The following MIPEP variants were observed in gnomAD, a reference collection of about 807,000 sequenced individuals.
MIPEP encodes mitochondrial intermediate peptidase.
In MIPEP, 79 loss-of-function variants were observed where a neutral mutation model predicts 90.3. The observed-to-expected ratio is 0.87, with a 90% CI of 0.73 to 1.05. MIPEP has a LOEUF of 1.05. MIPEP is among the 50% of genes least tolerant of loss of function. MIPEP has a pLI of 0.00. For synonymous variants in MIPEP, 334 were observed against 315.8 expected (o/e 1.06, Z -0.61); for missense variants, 940 against 905.6 (o/e 1.04, Z -0.49).
chr13:23,816,020 T>C (rs76380080), intron 14 of MIPEP, among the ~76,000 whole-genome samples: 1,614 of 152,318 alleles, frequency 0.011, 31 homozygotes, highest in African/African-American at 0.036. Context: ...ACGAAAAGTC[T>C]ACTGTAATTA....
chr13:23,787,115 T>C (rs2137370646), intron 16 of MIPEP, among the ~76,000 whole-genome samples: 2 of 152,326 alleles, frequency 1.3e-5, no homozygotes, highest in South Asian at 4.1e-4. Context: ...ATGTTGTGTC[T>C]GACACACAGT....
chr13:23,763,708 G>A (rs910391691), intron 16 of MIPEP, among the ~76,000 whole-genome samples: 1 of 152,198 alleles, frequency 6.6e-6, no homozygotes, highest in African/African-American at 2.4e-5. Flanking sequence ...TTCCTAGACA[G>A]CCAGGGGTCT....
In MIPEP at chr13:23,888,919, G is replaced by A. The variant is rs1473950929; in HGVS notation, c.189+213C>T. On this transcript the variant is annotated intron_variant, in intron 1 of 18. Coordinates refer to ENST00000382172, the MANE Select transcript of MIPEP (RefSeq NM_005932.4). ...TCATGCAGAAGCAGTTCCCGGACCC[G>A]ACACTCTGGGTAGGAGACCACTAAA... 7.7e-6 allele frequency: 4 copies of A among 522,088 alleles called. No homozygotes were observed. The East Asian group carries it at 1.4e-4, about 18-fold the overall frequency. 32.3% of individuals were successfully genotyped at this position (522,088 alleles called of 1,614,324 possible).
chr13:23,753,825 T>C (rs1432326180), intron 18 of MIPEP, among the ~76,000 whole-genome samples: 2 of 152,176 alleles, frequency 1.3e-5, no homozygotes, highest in African/African-American at 4.8e-5. Context: ...ATGTAGAACT[T>C]ATTATTCAAA....
intron 18 of MIPEP, among the ~76,000 whole-genome samples, chr13:23,749,618 G>A (rs368153394): frequency 2.0e-5 from 3 of 152,108 alleles, no homozygotes; most frequent in African/African-American, 7.2e-5. Context: ...ACAGGCTTGG[G>A]AGCTTCCTGA....
At chr13:23,848,689 A>C (rs1869664757) in intron 10 of MIPEP, among the ~76,000 whole-genome samples, 1 of 152,106 alleles carries the variant, frequency 6.6e-6, no homozygotes, top group Non-Finnish European at 1.5e-5. Flanking sequence ...GGGCACTCAA[A>C]GGGGAAGAAA....
chr13:23,785,383 G>A (rs766555372), intron 16 of MIPEP, among the ~76,000 whole-genome samples: 7 of 149,386 alleles, frequency 4.7e-5, no homozygotes, highest in Admixed American at 1.4e-4. Context: ...GAAAACTATC[G>A]CAAGAACAAA....
intron 16 of MIPEP, among the ~76,000 whole-genome samples, chr13:23,799,943 ATACTT>A (rs2137390470): frequency 6.6e-6 from 1 of 152,304 alleles, no homozygotes; most frequent in South Asian, 2.1e-4. Context: ...TTTCATGTAA[ATACTT>A]AGAGTGCTCA....
At chr13:23,805,697 A>C (rs1326625233) in intron 16 of MIPEP, among the ~76,000 whole-genome samples, 1 of 152,186 alleles carries the variant, frequency 6.6e-6, no homozygotes, top group Non-Finnish European at 1.5e-5. Flanking sequence ...ATATAGACCA[A>C]CTCCAATGGC....
At chr13:23,751,026 A>G (rs1319672328) in intron 18 of MIPEP, among the ~76,000 whole-genome samples, 1 of 151,862 alleles carries the variant, frequency 6.6e-6, no homozygotes, top group African/African-American at 2.4e-5. Context: ...CATTTCTCCA[A>G]GGAGCCTTGG....
Position 23,869,258 on chromosome 13 carries a change from A to G in MIPEP, c.943+34T>C, listed in dbSNP as rs774943041. 10 of 1,531,192 alleles carry G rather than the reference A, an allele frequency of 6.5e-6. No individual in the cohort carries two copies. The South Asian group carries it at 1.0e-4, about 16-fold the overall frequency. The allele number at this position is 1,531,192 out of a possible 1,614,324, so 94.9% of individuals were successfully genotyped here. ...AAAAGCTCAGTTTCATAAAAATCCT[A>G]TTTTGCCCTTAAATGTTGGATAAAC... On this transcript the variant is annotated intron_variant, in intron 7 of 18. Coordinates refer to ENST00000382172, the MANE Select transcript of MIPEP (RefSeq NM_005932.4).
At chr13:23,816,204 G>A (rs568956127) in intron 14 of MIPEP, among the ~76,000 whole-genome samples, 1 of 152,126 alleles carries the variant, frequency 6.6e-6, no homozygotes, top group East Asian at 1.9e-4. Flanking sequence ...CATTATTTTT[G>A]GCAAATTCTC....
At chr13:23,841,143 G>A (rs1039640116) in intron 11 of MIPEP, among the ~76,000 whole-genome samples, 192 bp downstream of exon 11, 1 of 152,160 alleles carries the variant, frequency 6.6e-6, no homozygotes, top group Non-Finnish European at 1.5e-5. Context: ...AAACTCTGCT[G>A]TTTTATGTTT....
At chr13:23,793,827 A>G (rs1952926645) in intron 16 of MIPEP, among the ~76,000 whole-genome samples, 1 of 151,842 alleles carries the variant, frequency 6.6e-6, no homozygotes, top group African/African-American at 2.4e-5. Flanking sequence ...TCCAGGCAGC[A>G]GAAACAAGTG....
chr13:23,800,676 A>C (rs1593161781), intron 16 of MIPEP, among the ~76,000 whole-genome samples: 2 of 152,356 alleles, frequency 1.3e-5, no homozygotes, highest in Admixed American at 6.5e-5. Context: ...TTGTAAAGAA[A>C]GCATCATTAT....
intron 7 of MIPEP, 37 bp from the exon 8 acceptor site, chr13:23,864,226 G>A (rs1239678535): frequency 2.2e-6 from 3 of 1,390,296 alleles, no homozygotes; most frequent in Non-Finnish European, 3.0e-6. Context: ...CTTCAATTAT[G>A]TGAAATAAAA....
intron 14 of MIPEP, among the ~76,000 whole-genome samples, chr13:23,813,478 AAAT>A (rs1953197873): frequency 6.6e-6 from 1 of 152,222 alleles, no homozygotes; most frequent in Admixed American, 6.5e-5. Flanking sequence ...ATGTTTTAGA[AAAT>A]AATGACAAGA....
intron 10 of MIPEP, among the ~76,000 whole-genome samples, chr13:23,846,012 T>G (rs926246750): frequency 6.6e-6 from 1 of 151,994 alleles, no homozygotes; most frequent in Non-Finnish European, 1.5e-5. Context: ...CCTGCTGGGT[T>G]CAAGCGATTC....
At chr13:23,815,915 T>C (rs543906726) in intron 14 of MIPEP, among the ~76,000 whole-genome samples, 33 of 152,356 alleles carry the variant, frequency 2.2e-4, no homozygotes, top group South Asian at 1.0e-3. Context: ...CTCATATTTA[T>C]AAAATACTGG....
Sources: gnomAD v4.1 joint callset for allele counts (sites outside exome capture counted in the v4.1 genomes callset) on GRCh38, gnomAD v4.1.1 for gene constraint, MANE v1.5 for transcripts, NCBI Gene and HGNC (gene_info 2026-07-23, HGNC 2026-07-21) for gene names.